ADK: variants seen among roughly 807,000 people sequenced by gnomAD.
ADK encodes N6,N6-dimethyladenosine kinase.
ADK carries 24 observed loss-of-function variants against 44.7 expected under a neutral mutation model. That is an observed-to-expected ratio of 0.54 (90% CI 0.39 to 0.76). The LOEUF (loss-of-function observed/expected upper bound fraction) is 0.76. Among genes scored for constraint, ADK ranks in the 30% least tolerant of loss-of-function variants. The pLI, the probability that ADK is intolerant of heterozygous loss-of-function variation, is 0.00. For missense variants in ADK, 321 were observed against 425.1 expected (o/e 0.76, Z 2.15); for synonymous variants, 128 against 142.6 (o/e 0.90, Z 0.73).
chr10:74,625,045 G>T (rs1853135571), intron 9 of ADK, among the ~76,000 whole-genome samples: 1 of 152,056 alleles, frequency 6.6e-6, no homozygotes, highest in Admixed American at 6.5e-5. Flanking sequence ...ATTCATTATG[G>T]TTTTATTGAG....
At chr10:74,470,968 A>G (rs923506886) in intron 6 of ADK, among the ~76,000 whole-genome samples, 12 of 152,164 alleles carry the variant, frequency 7.9e-5, no homozygotes, top group African/African-American at 2.9e-4. Context: ...TATATACACA[A>G]TAAGGTAAGG....
intron 4 of ADK, among the ~76,000 whole-genome samples, chr10:74,364,566 T>C: frequency 6.6e-6 from 1 of 152,188 alleles, no homozygotes; most frequent in Middle Eastern, 3.2e-3. Context: ...GTGATACCTT[T>C]TCCCTCAGGT....
intron 9 of ADK, among the ~76,000 whole-genome samples, chr10:74,648,126 A>T (rs149126174): frequency 2.7e-4 from 41 of 152,216 alleles, no homozygotes; most frequent in Non-Finnish European, 5.4e-4. Flanking sequence ...AAGAATACAG[A>T]AATTCTATAA....
chr10:74,372,041 C>T, intron 4 of ADK: 2 of 765,064 alleles, frequency 2.6e-6, no homozygotes, highest in East Asian at 2.4e-5. Flanking sequence ...AGGGAGCTCA[C>T]TCAATGGGTT....
intron 7 of ADK, among the ~76,000 whole-genome samples, chr10:74,535,871 G>T (rs1241546611): frequency 1.3e-5 from 2 of 151,968 alleles, no homozygotes; most frequent in Non-Finnish European, 2.9e-5. Flanking sequence ...TTACAGGTGT[G>T]AGCCCCCCAC....
chr10:74,262,341 C>T (rs184996101), intron 3 of ADK, among the ~76,000 whole-genome samples: 5 of 151,162 alleles, frequency 3.3e-5, no homozygotes, highest in Non-Finnish European at 5.9e-5. Flanking sequence ...CAAAAAAACT[C>T]CTCACATATA....
chr10:74,507,572 G>A (rs113678811), intron 6 of ADK, among the ~76,000 whole-genome samples: 4,526 of 151,922 alleles, frequency 0.03, 195 homozygotes, highest in African/African-American at 0.091. Context: ...CCGAGATCGT[G>A]CCACTCCACT....
At chr10:74,324,195 A>C (rs1840927011) in intron 4 of ADK, among the ~76,000 whole-genome samples, 1 of 151,788 alleles carries the variant, frequency 6.6e-6, no homozygotes, top group African/African-American at 2.4e-5. Flanking sequence ...GCTAATTTTT[A>C]ACTTTTAAAT....
intron 8 of ADK, among the ~76,000 whole-genome samples, chr10:74,599,810 G>A (rs149376518): frequency 1.2e-4 from 19 of 152,182 alleles, no homozygotes; most frequent in African/African-American, 4.1e-4. Flanking sequence ...TGTAGGAAAG[G>A]ATTAGCATTT....
At chr10:74,221,035 G>C (rs1370830353) in intron 2 of ADK, among the ~76,000 whole-genome samples, 5 of 145,452 alleles carry the variant, frequency 3.4e-5, no homozygotes, top group African/African-American at 1.4e-4. Flanking sequence ...TCAGGCAGGA[G>C]AAGGAAATAA....
chr10:74,412,508 A>G (rs1211790654), intron 6 of ADK, among the ~76,000 whole-genome samples: 1 of 152,222 alleles, frequency 6.6e-6, no homozygotes, highest in Non-Finnish European at 1.5e-5. Flanking sequence ...TACTCTGCCC[A>G]AACCCATCAG....
chr10:74,569,731 C>CA (rs1460136082), intron 7 of ADK, among the ~76,000 whole-genome samples: 1 of 152,154 alleles, frequency 6.6e-6, no homozygotes, highest in Non-Finnish European at 1.5e-5. Flanking sequence ...GTTGCCTGTT[C>CA]ACTCTGATGG....
At chr10:74,501,031 G>T (rs1470115633) in intron 6 of ADK, among the ~76,000 whole-genome samples, 1 of 152,134 alleles carries the variant, frequency 6.6e-6, no homozygotes, top group African/African-American at 2.4e-5. Context: ...CACTCTGAAG[G>T]ATATAAACAA....
intron 4 of ADK, among the ~76,000 whole-genome samples, chr10:74,383,988 G>T (rs1176988828): frequency 6.6e-6 from 1 of 152,150 alleles, no homozygotes; most frequent in East Asian, 1.9e-4. Context: ...CTCCATCATA[G>T]TTAAGTGTCA....
rs545764314 is a variant in ADK, at chr10:74,337,840, G to A, written c.273+23095G>A. ...TGCAGTGATGCAATCTCGGCTCACCGCAGCCTCCGCCTCCCGGGTTCAAGT... is the reference window on the plus strand; with the variant it reads ...TGCAGTGATGCAATCTCGGCTCACCACAGCCTCCGCCTCCCGGGTTCAAGT... On this transcript the variant is annotated intron_variant, in intron 4 of 10. Coordinates refer to ENST00000539909, the MANE Select transcript of ADK (RefSeq NM_006721.4). 2.7e-5 allele frequency among the ~76,000 whole-genome samples: 4 copies of A among 148,104 alleles called. No homozygotes were observed. The South Asian group carries it at 6.4e-4, about 24-fold the overall frequency.
chr10:74,676,824 G>C (rs937069858), intron 10 of ADK, among the ~76,000 whole-genome samples: 2 of 152,254 alleles, frequency 1.3e-5, no homozygotes, highest in East Asian at 1.9e-4. Context: ...CCTCACAACA[G>C]CTTCAGCAGA....
At chr10:74,500,249 G>A (rs759478035) in intron 6 of ADK, among the ~76,000 whole-genome samples, 6 of 152,110 alleles carry the variant, frequency 3.9e-5, no homozygotes, top group Non-Finnish European at 8.8e-5. Context: ...GCAATACAGT[G>A]TTCTGTATTA....
At chr10:74,474,684 G>A (rs947892035) in intron 6 of ADK, among the ~76,000 whole-genome samples, 1 of 151,882 alleles carries the variant, frequency 6.6e-6, no homozygotes, top group African/African-American at 2.4e-5. Flanking sequence ...GTGGGGGTGT[G>A]TGTGTGTGTT....
chr10:74,632,243 A>G (rs1381407004), intron 9 of ADK, among the ~76,000 whole-genome samples: 1 of 152,282 alleles, frequency 6.6e-6, no homozygotes, highest in Admixed American at 6.5e-5. Context: ...TTCACTTAAC[A>G]TAATGTTTTC....
Sources: allele counts gnomAD v4.1 joint callset (sites outside exome capture counted in the v4.1 genomes callset), GRCh38; gene constraint gnomAD v4.1.1; transcripts MANE v1.5; gene names NCBI Gene and HGNC (gene_info 2026-07-23, HGNC 2026-07-21).